C1orf56: variants seen among roughly 807,000 people sequenced by gnomAD.
The protein encoded by C1orf56 is chromosome 1 open reading frame 56, also known as protein MENT.
In C1orf56, 14 loss-of-function variants were observed where a neutral mutation model predicts 20.7. That is an observed-to-expected ratio of 0.68 (90% CI 0.45 to 1.06). The LOEUF is 1.06. C1orf56 is among the 50% of genes least tolerant of loss of function. The pLI is 0.00. For missense variants in C1orf56, 424 were observed against 451.4 expected (o/e 0.94, Z 0.55); for synonymous variants, 187 against 194.7 (o/e 0.96, Z 0.33).
chr1:151,050,370 C>T, intron 1 of C1orf56, 68 bp from the exon 2 acceptor site: 1 of 1,498,002 alleles, frequency 6.7e-7, no homozygotes, highest in Non-Finnish European at 9.2e-7. Context: ...GGAGATGAAG[C>T]AAGGAAGGGA....
Position 151,048,214 on chromosome 1 carries a change from G to C in C1orf56, c.367G>C (p.Glu123Gln). 6.2e-7 allele frequency: 1 copy of C among 1,614,252 alleles called. No homozygotes were observed. Among genetic ancestry groups the C allele is most frequent in the Non-Finnish European group, 8.5e-7 (1 of 1,180,054 alleles). Residue 123 changes from glutamate to glutamine, a missense_variant, in exon 1 of 2, where the codon GAG (glutamate) becomes CAG (glutamine). By Grantham distance (29) the Glu-to-Gln change is conservative. Transcript: ENST00000368926. The surrounding 1 kb of genome is among the most constrained non-coding windows in gnomAD (Gnocchi z 4.8). ...INAGKDSTSR[E>Q]LPSATPNTAG... ...TGCCGGAAAGGATAGCACCAGCAGA[G>C]AGCTTCCCAGTGCGACTCCCAATAC...
chr1:151,048,720 C>T lies in C1orf56; in HGVS notation c.873C>T (p.Thr291=), dbSNP rs763521993. The T allele has an allele frequency of 6.2e-7, 1 of 1,612,892 alleles. No homozygotes were observed. Among genetic ancestry groups the T allele is most frequent in the South Asian group, 1.1e-5 (1 of 90,878 alleles). Residue 291 remains threonine (T), a synonymous_variant, in exon 1 of 2, where the codon ACC becomes ACT. Coordinates refer to ENST00000368926, the MANE Select transcript of C1orf56 (RefSeq NM_017860.5). This position sits in a 1 kb window ranked among gnomAD's most constrained non-coding sequence, Gnocchi z 4.8. The stretch of plus-strand genomic sequence containing the variant: ...GGACCACCACTACCCCCTTCCCCAC[C>T]ATCCACCTCAGAAGCAGTCCCAGCC... ...STRTTTTPFP[T]IHLRSSPSLP...
At chr1:151,050,196 T>A (rs587696206) in intron 1 of C1orf56, among the ~76,000 whole-genome samples, 1 of 152,356 alleles carries the variant, frequency 6.6e-6, no homozygotes, top group East Asian at 1.9e-4. Flanking sequence ...GTAGTCTCAA[T>A]TGATACGGAT....
chr1:151,048,079 G>C lies in C1orf56; in HGVS notation c.232G>C (p.Ala78Pro), dbSNP rs1189343760. ...NDAMADADRL[A>P]GPAAAELLAA... The stretch of plus-strand genomic sequence containing the variant: ...TGCCATGGCCGACGCCGACCGCCTG[G>C]CTGGACCAGCGGCTGCCGAGCTCTT... Residue 78 changes from alanine (A) to proline (P), a missense_variant, in exon 1 of 2, where the codon GCT becomes CCT. Coordinates refer to ENST00000368926, the MANE Select transcript of C1orf56 (RefSeq NM_017860.5). This position sits in a 1 kb window ranked among gnomAD's most constrained non-coding sequence, Gnocchi z 4.8. 3 of 1,614,054 alleles carry C rather than the reference G, an allele frequency of 1.9e-6. No individual in the cohort carries two copies. Among genetic ancestry groups the C allele is most frequent in the Non-Finnish European group, 2.5e-6 (3 of 1,180,028 alleles).
At position 151,050,555 on chromosome 1, in the gene C1orf56, A is replaced by C; in HGVS notation, c.*97A>C. The C allele has an allele frequency of 8.3e-7, 1 of 1,199,336 alleles. No individual in the cohort carries two copies. The highest frequency in any genetic ancestry group is 1.2e-6 in the Non-Finnish European group (1 of 842,376). The allele number at this position is 1,199,336 out of a possible 1,614,324, so 74.3% of individuals were successfully genotyped here. A position where few individuals can be genotyped will look rare whatever the true frequency, so the allele number is the denominator to read the frequency against. ...AGATATTTTTAGTACAGAAAAACAA[A>C]ACTGGAAAACACATTGTTTGGTCTT... On this transcript the variant is annotated 3_prime_UTR_variant, in exon 2 of 2. Coordinates refer to ENST00000368926, the MANE Select transcript of C1orf56 (RefSeq NM_017860.5).
intron 1 of C1orf56, among the ~76,000 whole-genome samples, chr1:151,049,280 ATTTT>A (rs34876001): frequency 6.3e-5 from 9 of 142,318 alleles, no homozygotes; most frequent in Non-Finnish European, 1.4e-4. Context: ...TGCCCGGCTA[ATTTT>A]TTTTTTTTTT....
rs56994676 is a variant in C1orf56, at chr1:151,050,211, G to A, written c.1006-227G>A. On this transcript the variant is annotated intron_variant, in intron 1 of 1. Transcript: ENST00000368926. ...GTAGTCTCAATTGATACGGATGATA[G>A]GACTTTGAGGAGGGAAAGGTAATAA... Among the ~76,000 whole-genome samples the A allele has an allele frequency of 1.9e-3, 284 of 152,326 alleles. 7 individuals are homozygous for A. The East Asian group carries it at 0.049, about 26-fold the overall frequency.
chr1:151,049,424 TTC>T (rs587594077), intron 1 of C1orf56, among the ~76,000 whole-genome samples: 295 of 151,472 alleles, frequency 1.9e-3, no homozygotes, highest in Admixed American at 0.012. Flanking sequence ...GTCTTGGAAA[TTC>T]TCTGTTTTTT....
rs1333158743 is a variant in C1orf56 at position 151,050,565 on chromosome 1, C to T, written c.*107C>T. The T allele has an allele frequency of 8.8e-7, 1 of 1,137,646 alleles. No individual in the cohort carries two copies. Among genetic ancestry groups the T allele is most frequent in the Admixed American group, 2.4e-5 (1 of 42,148 alleles). 70.5% of individuals were successfully genotyped at this position (1,137,646 alleles called of 1,614,324 possible). ...AGTACAGAAAAACAAAACTGGAAAACACATTGTTTGGTCTTGTGTTTCTTT... is the reference window on the plus strand; with the variant it reads ...AGTACAGAAAAACAAAACTGGAAAATACATTGTTTGGTCTTGTGTTTCTTT... On this transcript the variant is annotated 3_prime_UTR_variant, in exon 2 of 2. Coordinates refer to ENST00000368926, the MANE Select transcript of C1orf56 (RefSeq NM_017860.5).
chr1:151,047,984 G>C lies in C1orf56; in HGVS notation c.137G>C (p.Arg46Pro). 2 of 1,613,910 alleles carry C rather than the reference G, an allele frequency of 1.2e-6. No homozygotes were observed. Among genetic ancestry groups the C allele is most frequent in the South Asian group, 1.1e-5 (1 of 91,084 alleles). ...TTACGCTTTGGGGGCCCCATGACCC[G>C]CAGCTACCGGAGCACCGCCCGGACT... Reference protein sequence around the residue: ...VSLRFGGPMTRSYRSTARTGL... With the variant: ...VSLRFGGPMTPSYRSTARTGL... Residue 46 changes from arginine to proline, a missense_variant, in exon 1 of 2, where the codon CGC (arginine) becomes CCC (proline). Transcript: ENST00000368926.
In C1orf56 at chr1:151,050,369, G is replaced by A. The variant is rs587716234; in HGVS notation, c.1006-69G>A. The A allele has an allele frequency of 4.0e-6, 6 of 1,498,152 alleles. No individual in the cohort carries two copies. The Admixed American group carries it at 1.1e-4, about 28-fold the overall frequency. The allele number at this position is 1,498,152 out of a possible 1,614,324, so 92.8% of individuals were successfully genotyped here. On this transcript the variant is annotated intron_variant, in intron 1 of 1. Coordinates refer to ENST00000368926, the MANE Select transcript of C1orf56 (RefSeq NM_017860.5). ...TGGGTTTGTGGGAGGGGGAGATGAA[G>A]CAAGGAAGGGAAAAGAATATAGATG...
chr1:151,050,764 T>G lies in C1orf56; in HGVS notation c.*306T>G, dbSNP rs1676161370. On this transcript the variant is annotated 3_prime_UTR_variant, in exon 2 of 2. Transcript: ENST00000368926. The stretch of plus-strand genomic sequence containing the variant: ...AAAACAAGTACTTCTTTTACAGGCT[T>G]GAAAAATCTCAAATAAACGCTAAGA... 3.5e-6 allele frequency: 1 copy of G among 285,026 alleles called. No homozygotes were observed. The highest frequency in any genetic ancestry group is 2.2e-5 in the African/African-American group (1 of 45,774). The allele number at this position is 285,026 out of a possible 1,614,324, so 17.7% of individuals were successfully genotyped here.
At position 151,050,344 on chromosome 1, in the gene C1orf56, T is replaced by C. The variant is rs1676150053; in HGVS notation, c.1006-94T>C. 2 of 1,236,606 alleles carry C rather than the reference T, an allele frequency of 1.6e-6. 1 individual carries two copies. Among genetic ancestry groups the C allele is most frequent in the South Asian group, 2.7e-5 (2 of 73,902 alleles). 76.6% of individuals were successfully genotyped at this position (1,236,606 alleles called of 1,614,324 possible). ...GGTGGGCAGTAGGGTTGAGGGAATA[T>C]GGGTTTGTGGGAGGGGGAGATGAAG... On this transcript the variant is annotated intron_variant, in intron 1 of 1. Coordinates refer to ENST00000368926, the MANE Select transcript of C1orf56 (RefSeq NM_017860.5).
In C1orf56 at chr1:151,048,016, C is replaced by T; in HGVS notation, c.169C>T (p.Pro57Ser). 1.9e-6 allele frequency: 3 copies of T among 1,614,032 alleles called. No individual in the cohort carries two copies. The highest frequency in any genetic ancestry group is 2.5e-6 in the Non-Finnish European group (3 of 1,179,990). Reference sequence around the variant, plus strand: ...CCGGAGCACCGCCCGGACTGGTCTTCCCCGGAAGACAAGGATAATCCTAGA... The same window carrying T: ...CCGGAGCACCGCCCGGACTGGTCTTTCCCGGAAGACAAGGATAATCCTAGA... ...SYRSTARTGL[P>S]RKTRIILEDE... is the part of the protein sequence containing the mutation. The change falls in exon 1 of 2, where the codon CCC becomes TCC. Residue 57 changes from proline to serine, a missense_variant. Coordinates refer to ENST00000368926, the MANE Select transcript of C1orf56 (RefSeq NM_017860.5). The surrounding 1 kb of genome is among the most constrained non-coding windows in gnomAD (Gnocchi z 4.8).
At position 151,048,714 on chromosome 1, in the gene C1orf56, C is replaced by T; in HGVS notation, c.867C>T (p.Phe289=). Reference sequence around the variant, plus strand: ...GTACCAGGACCACCACTACCCCCTTCCCCACCATCCACCTCAGAAGCAGTC... The same window carrying T: ...GTACCAGGACCACCACTACCCCCTTTCCCACCATCCACCTCAGAAGCAGTC... ...TTSTRTTTTP[F]PTIHLRSSPS... is the part of the protein sequence containing the mutation. The change falls in exon 1 of 2, where the codon TTC becomes TTT. Residue 289 remains phenylalanine, a synonymous_variant. Coordinates refer to ENST00000368926, the MANE Select transcript of C1orf56 (RefSeq NM_017860.5). This position sits in a 1 kb window ranked among gnomAD's most constrained non-coding sequence, Gnocchi z 4.8. 1.9e-6 allele frequency: 3 copies of T among 1,612,198 alleles called. No homozygotes were observed. The highest frequency in any genetic ancestry group is 2.5e-6 in the Non-Finnish European group (3 of 1,178,930).
chr1:151,048,636 C>T lies in C1orf56; in HGVS notation c.789C>T (p.Pro263=), dbSNP rs755304806. The change falls in exon 1 of 2, where the codon CCC becomes CCT. Residue 263 remains proline (P), a synonymous_variant. Coordinates refer to ENST00000368926, the MANE Select transcript of C1orf56 (RefSeq NM_017860.5). The surrounding 1 kb of genome is among the most constrained non-coding windows in gnomAD (Gnocchi z 4.8). ...GCAACCGACTTCGGGAAGAGTGCCC[C>T]CTGGACACAAGTCTCTGTACTGACA... ...CPCNRLREEC[P]LDTSLCTDTN... is the part of the protein sequence containing the mutation. 6 of 1,612,436 alleles carry T rather than the reference C, an allele frequency of 3.7e-6. No individual in the cohort carries two copies. The South Asian group carries it at 6.6e-5, about 18-fold the overall frequency.
At position 151,047,927 on chromosome 1, in the gene C1orf56, C is replaced by T. The variant is rs752618196; in HGVS notation, c.80C>T (p.Thr27Ile). 15 of 1,612,654 alleles carry T rather than the reference C, an allele frequency of 9.3e-6. No homozygotes were observed. In the African/African-American group the frequency reaches 2.0e-4, roughly 22 times the overall value. ...CGGGCGGCGGGGGCCCAAGGCCTGA[C>T]CCAGACTCCGACCGAAATGCAGCGG... ...GPRAAGAQGL[T>I]QTPTEMQRVS... Residue 27 changes from threonine to isoleucine, a missense_variant, in exon 1 of 2, where the codon ACC (threonine) becomes ATC (isoleucine). Coordinates refer to ENST00000368926, the MANE Select transcript of C1orf56 (RefSeq NM_017860.5).
Position 151,048,413 on chromosome 1 carries a change from C to T in C1orf56, c.566C>T (p.Ser189Leu), listed in dbSNP as rs772795385. The T allele has an allele frequency of 9.3e-6, 15 of 1,610,712 alleles. No individual in the cohort carries two copies. Among genetic ancestry groups the T allele is most frequent in the Non-Finnish European group, 1.3e-5 (15 of 1,179,966 alleles). ...ACCCCGAGCCGGTGGCCGTCACCCT[C>T]ACCCACAGCCATGCCATCTCCTGAG... ...GSTPSRWPSP[S>L]PTAMPSPEDL... The change falls in exon 1 of 2, where the codon TCA becomes TTA. Residue 189 changes from serine (S) to leucine (L), a missense_variant. Physicochemically the swap from Ser to Leu is moderately radical, Grantham distance 145. Coordinates refer to ENST00000368926, the MANE Select transcript of C1orf56 (RefSeq NM_017860.5). The surrounding 1 kb of genome is among the most constrained non-coding windows in gnomAD (Gnocchi z 4.8).
In C1orf56 at chr1:151,048,105, G is replaced by A. The variant is rs777304103; in HGVS notation, c.258G>A (p.Leu86=). 6.2e-7 allele frequency: 1 copy of A among 1,613,458 alleles called. No individual in the cohort carries two copies. The highest frequency in any genetic ancestry group is 8.5e-7 in the Non-Finnish European group (1 of 1,180,030). ...RLAGPAAAEL[L]AATVSTGFSR... is the part of the protein sequence containing the mutation. ...CTGGACCAGCGGCTGCCGAGCTCTT[G>A]GCCGCCACGGTGTCCACCGGCTTTA... Residue 86 remains leucine, a synonymous_variant, in exon 1 of 2, where the codon TTG becomes TTA. Transcript: ENST00000368926. This position sits in a 1 kb window ranked among gnomAD's most constrained non-coding sequence, Gnocchi z 4.8.
Sources: allele counts gnomAD v4.1 joint callset (sites outside exome capture counted in the v4.1 genomes callset), GRCh38; gene constraint gnomAD v4.1.1; non-coding constraint Gnocchi (gnomAD v3.1); transcripts MANE v1.5; gene names NCBI Gene and HGNC (gene_info 2026-07-23, HGNC 2026-07-21).